CRY1: variants seen among roughly 807,000 people sequenced by gnomAD.
CRY1 encodes cryptochrome circadian regulator 1.
A neutral mutation model predicts 76.0 loss-of-function variants in CRY1; 45 were observed. The ratio of observed to expected loss-of-function variants is 0.59; its 90% confidence interval spans 0.47 to 0.76. CRY1 has a LOEUF of 0.76. Ranked by LOEUF, CRY1 falls within the 30% of genes least tolerant of loss-of-function variation. The probability of loss-of-function intolerance (pLI) is 0.00; values close to 1 mark genes in which losing one functional copy is unlikely to be tolerated. For missense variants in CRY1, 587 were observed against 716.4 expected, an observed-to-expected ratio of 0.82 and a Z score of 2.06; for synonymous variants, 248 against 244.0, an observed-to-expected ratio of 1.02 and a Z score of -0.15.
intron 1 of CRY1, among the ~76,000 whole-genome samples, chr12:107,027,082 T>C (rs1041875317): frequency 6.6e-6 from 1 of 152,180 alleles, no homozygotes; most frequent in African/African-American, 2.4e-5. Context: ...AACTCAGTGA[T>C]GTGTGTGATT....
chr12:107,041,806 A>G (rs1444081521), intron 1 of CRY1, among the ~76,000 whole-genome samples: 1 of 152,028 alleles, frequency 6.6e-6, no homozygotes, highest in Non-Finnish European at 1.5e-5. Flanking sequence ...GGTGGGGAAG[A>G]GTGCCAGGAA....
chr12:107,022,787 A>G (rs573523544), intron 1 of CRY1, among the ~76,000 whole-genome samples: 1 of 151,984 alleles, frequency 6.6e-6, no homozygotes, highest in South Asian at 2.1e-4. Context: ...ACTAATAAGT[A>G]GATGCCAAAT....
chr12:107,093,004 G>A lies in CRY1; in HGVS notation c.-43C>T. The stretch of plus-strand genomic sequence containing the variant: ...GTCCTCCACGGAGAAATTCAAGGAA[G>A]GAGGCTCCGGCTCATAGCCGACACC... On this transcript the variant is annotated 5_prime_UTR_variant, in exon 1 of 13. Coordinates refer to ENST00000008527, the MANE Select transcript of CRY1 (RefSeq NM_004075.5). 1 of 1,481,766 alleles carries A rather than the reference G, an allele frequency of 6.7e-7. No individual in the cohort carries two copies. Among genetic ancestry groups the A allele is most frequent in the African/African-American group, 1.4e-5 (1 of 70,706 alleles). The allele number at this position is 1,481,766 out of a possible 1,614,324, so 91.8% of individuals were successfully genotyped here.
At position 107,061,441 on chromosome 12, in the gene CRY1, G is replaced by A. The variant is rs193260895; in HGVS notation, c.158+31363C>T. Among the ~76,000 whole-genome samples, 39 of 151,366 alleles carry A rather than the reference G, an allele frequency of 2.6e-4. 1 individual carries two copies. Among genetic ancestry groups the A allele is most frequent in the Admixed American group, 2.3e-3 (35 of 15,180 alleles). ...AGGCTAGAGTACAGAGTTCAGTGGC[G>A]TGATCTTAGCTCACTGCAACCTCTG... is the stretch of plus-strand genomic sequence containing the variant. On this transcript the variant is annotated intron_variant, in intron 1 of 12. Transcript: ENST00000008527.
At chr12:107,018,002 C>T (rs1302232724) in intron 2 of CRY1, among the ~76,000 whole-genome samples, 2 of 152,164 alleles carry the variant, frequency 1.3e-5, no homozygotes, top group Non-Finnish European at 2.9e-5. Flanking sequence ...ACAGTGTAAG[C>T]ACCATGAAGA....
chr12:107,075,138 T>C (rs1020476210), intron 1 of CRY1, among the ~76,000 whole-genome samples: 2 of 152,332 alleles, frequency 1.3e-5, no homozygotes, highest in East Asian at 3.9e-4. Context: ...TGCTGACTGA[T>C]GGACATGGCT....
chr12:107,046,631 T>C (rs543795515), intron 1 of CRY1, among the ~76,000 whole-genome samples: 2 of 152,316 alleles, frequency 1.3e-5, no homozygotes, highest in South Asian at 4.1e-4. Context: ...AATTGTATTC[T>C]GCCAACAAGA....
At chr12:107,017,510 C>T (rs1262635340) in intron 2 of CRY1, among the ~76,000 whole-genome samples, 2 of 152,250 alleles carry the variant, frequency 1.3e-5, no homozygotes, top group East Asian at 1.9e-4. Flanking sequence ...CAAACTCACA[C>T]ATCTCAGACT....
chr12:107,045,474 G>A (rs1020967591), intron 1 of CRY1, among the ~76,000 whole-genome samples: 4 of 152,266 alleles, frequency 2.6e-5, no homozygotes, highest in South Asian at 2.1e-4. Context: ...CATGGCCAAC[G>A]TGGCGAAACC....
intron 5 of CRY1, 109 bp downstream of exon 5, chr12:107,001,170 TA>T: frequency 1.3e-6 from 1 of 767,542 alleles, no homozygotes; most frequent in South Asian, 1.9e-5. Context: ...CCATTTCTGT[TA>T]ATCCTCCCCT....
chr12:107,092,872 G>A lies in CRY1; in HGVS notation c.90C>T (p.Thr30=), dbSNP rs1484759009. The A allele has an allele frequency of 1.6e-5, 25 of 1,610,598 alleles. No individual in the cohort carries two copies. Among genetic ancestry groups the A allele is most frequent in the Non-Finnish European group, 2.0e-5 (24 of 1,179,488 alleles). ...ALKECIQGAD[T]IRCVYILDPW... is the part of the protein sequence containing the mutation. ...GGTCCAGGATGTAGACGCAGCGGAT[G>A]GTGTCGGCGCCCTGAATGCACTCCT... The change falls in exon 1 of 13, where the codon ACC becomes ACT. Residue 30 remains threonine, a synonymous_variant. Transcript: ENST00000008527.
At chr12:107,008,332 CTAAG>C (rs1193460895) in intron 2 of CRY1, among the ~76,000 whole-genome samples, 4 of 152,178 alleles carry the variant, frequency 2.6e-5, no homozygotes, top group Admixed American at 1.3e-4. Context: ...CAGTAATACA[CTAAG>C]TATTTATTAT....
At chr12:107,060,250 C>A (rs906747497) in intron 1 of CRY1, among the ~76,000 whole-genome samples, 7 of 152,174 alleles carry the variant, frequency 4.6e-5, no homozygotes, top group African/African-American at 1.7e-4. Flanking sequence ...AATGCAACAA[C>A]GTTCAGAAGT....
chr12:106,997,681 C>T lies in CRY1; in HGVS notation c.1299G>A (p.Leu433=). The stretch of plus-strand genomic sequence containing the variant: ...TTGCAGGGAAGCCTCTTAGGACAGG[C>T]AAATAACGCCTTTGGGAGAAAAAAG... The part of the protein sequence containing the change: ...DPNGDYIRRY[L]PVLRGFPAKY... The change falls in exon 9 of 13, where the codon TTG becomes TTA. Residue 433 remains leucine (L), a synonymous_variant. Transcript: ENST00000008527. 1 of 1,613,824 alleles carries T rather than the reference C, an allele frequency of 6.2e-7. No homozygotes were observed. The highest frequency in any genetic ancestry group is 8.5e-7 in the Non-Finnish European group (1 of 1,179,918).
chr12:107,041,634 T>C (rs1015654767), intron 1 of CRY1, among the ~76,000 whole-genome samples: 2 of 152,210 alleles, frequency 1.3e-5, no homozygotes, highest in African/African-American at 4.8e-5. Flanking sequence ...AATATACTTC[T>C]AGGCTTTACA....
At chr12:107,031,899 C>G (rs535891968) in intron 1 of CRY1, among the ~76,000 whole-genome samples, 1 of 152,218 alleles carries the variant, frequency 6.6e-6, no homozygotes, top group African/African-American at 2.4e-5. Flanking sequence ...TGAATAAAGT[C>G]TGGAGTTTAG....
At chr12:107,011,226 T>C (rs1952439877) in intron 2 of CRY1, among the ~76,000 whole-genome samples, 1 of 152,130 alleles carries the variant, frequency 6.6e-6, no homozygotes, top group Non-Finnish European at 1.5e-5. Flanking sequence ...GGCATGTGCC[T>C]GTAATCCCAG....
intron 1 of CRY1, among the ~76,000 whole-genome samples, chr12:107,042,020 G>A (rs1345894344): frequency 6.6e-6 from 1 of 152,142 alleles, no homozygotes; most frequent in Non-Finnish European, 1.5e-5. Flanking sequence ...TTAAACAACA[G>A]GATGGGTGCC....
chr12:107,003,966 T>C (rs990570527), intron 3 of CRY1, among the ~76,000 whole-genome samples: 1 of 152,048 alleles, frequency 6.6e-6, no homozygotes, highest in African/African-American at 2.4e-5. Flanking sequence ...CCACTATGCC[T>C]GGCTAATTTT....
Sources: allele counts gnomAD v4.1 joint callset (sites outside exome capture counted in the v4.1 genomes callset), GRCh38; gene constraint gnomAD v4.1.1; transcripts MANE v1.5; gene names NCBI Gene and HGNC (gene_info 2026-07-23, HGNC 2026-07-21).